Variants in NRG1 observed in about 807,000 individuals in gnomAD.
NRG1 encodes pro-neuregulin-1, membrane-bound isoform.
A neutral mutation model predicts 63.8 loss-of-function variants in NRG1; 18 were observed. That is an observed-to-expected ratio of 0.28 (90% CI 0.19 to 0.42). The LOEUF (loss-of-function observed/expected upper bound fraction) is 0.42, where lower values mean the gene tolerates loss of function less well. Ranked by LOEUF, NRG1 falls within the 10% of genes least tolerant of loss-of-function variation. The probability of loss-of-function intolerance (pLI) is 1.00; values close to 1 mark genes in which losing one functional copy is unlikely to be tolerated. For missense variants in NRG1, 762 were observed against 814.7 expected (o/e 0.94, Z 0.79); for synonymous variants, 302 against 301.3 (o/e 1.00, Z -0.02).
At chr8:32,690,894 C>T (rs1811424044) in intron 5 of NRG1, among the ~76,000 whole-genome samples, 1 of 149,720 alleles carries the variant, frequency 6.7e-6, no homozygotes, top group Non-Finnish European at 1.5e-5. Flanking sequence ...GGAATCTCTT[C>T]TATTAGTTAC....
chr8:32,077,104 C>T (rs984303557), intron 1 of NRG1, among the ~76,000 whole-genome samples: 3 of 152,262 alleles, frequency 2.0e-5, no homozygotes, highest in South Asian at 2.1e-4. Flanking sequence ...TGTTGGCTCA[C>T]GCCTGTAATC....
intron 1 of NRG1, among the ~76,000 whole-genome samples, chr8:31,832,976 C>G (rs73242160): frequency 6.6e-6 from 1 of 151,914 alleles, no homozygotes; most frequent in South Asian, 2.1e-4. Context: ...AGGACAGATG[C>G]AAAATTTGCA....
At chr8:32,483,733 G>A (rs1825574454) in intron 1 of NRG1, among the ~76,000 whole-genome samples, 1 of 152,122 alleles carries the variant, frequency 6.6e-6, no homozygotes, top group Admixed American at 6.5e-5. Flanking sequence ...GATGTGGGTG[G>A]GCAGGGACCC....
rs760667227 is a variant in NRG1 at position 32,721,962 on chromosome 8, A to G, written c.503-5987A>G. 8 of 1,544,268 alleles carry G rather than the reference A, an allele frequency of 5.2e-6. No homozygotes were observed. In the South Asian group the frequency reaches 9.7e-5, roughly 19 times the overall value. On this transcript the variant is annotated intron_variant, in intron 5 of 11. Coordinates refer to ENST00000356819, the Ensembl canonical transcript of NRG1. ...GAGCTATATTCAGAGCAAGAATAAT[A>G]ATTTCAGATTTTTTAACTGGACTTC...
intron 1 of NRG1, among the ~76,000 whole-genome samples, chr8:31,863,652 A>T (rs914670007): frequency 1.3e-4 from 20 of 152,206 alleles, no homozygotes; most frequent in African/African-American, 4.8e-4. Flanking sequence ...CTACTCAGAA[A>T]ATAAATTTTC....
At chr8:32,529,975 T>TTATTATGTACTG in intron 1 of NRG1, among the ~76,000 whole-genome samples, 1 of 152,326 alleles carries the variant, frequency 6.6e-6, no homozygotes. Context: ...CTGTGCATAA[T>TTATTATGTACTG]TGCACGGACT....
exon 1 of NRG1, chr8:32,548,760 A>G (rs777747873): frequency 1.9e-5 from 30 of 1,590,398 alleles, no homozygotes; most frequent in Non-Finnish European, 2.2e-5. Flanking sequence ...AGGCAAAGGG[A>G]AGGGCAAGAA....
intron 1 of NRG1, among the ~76,000 whole-genome samples, chr8:32,170,676 T>C (rs1839932176): frequency 6.6e-6 from 1 of 152,198 alleles, no homozygotes; most frequent in African/African-American, 2.4e-5. Context: ...CTATTTAAGG[T>C]GTTCAACTAA....
At chr8:32,029,317 A>G (rs1586593658) in intron 1 of NRG1, 1 of 152,332 alleles carries the variant, frequency 6.6e-6, no homozygotes, top group South Asian at 2.1e-4. Flanking sequence ...CTTATTATAA[A>G]AAGACAAAAT....
intron 1 of NRG1, among the ~76,000 whole-genome samples, chr8:31,825,297 A>G (rs1205247549): frequency 1.3e-5 from 2 of 152,052 alleles, no homozygotes; most frequent in Non-Finnish European, 2.9e-5. Flanking sequence ...CTGAGGCAGG[A>G]GAATGGCATG....
intron 1 of NRG1, among the ~76,000 whole-genome samples, chr8:32,584,175 G>A (rs1403267953): frequency 1.3e-5 from 2 of 152,172 alleles, no homozygotes; most frequent in African/African-American, 4.8e-5. Context: ...CAGCAGCCTT[G>A]TAGTTATAGT....
chr8:32,233,404 C>T lies in NRG1; in HGVS notation c.38-362424C>T, dbSNP rs1847166343. ...TATAGACGTGAGCTACCACACCCAG[C>T]CATGAGTGTACATTATAAATAAATA... On this transcript the variant is annotated intron_variant, in intron 1 of 10. Transcript: ENST00000519301. 1.3e-5 allele frequency among the ~76,000 whole-genome samples: 2 copies of T among 151,820 alleles called. 1 individual carries two copies. Among genetic ancestry groups the T allele is most frequent in the South Asian group, 4.2e-4 (2 of 4,796 alleles).
intron 1 of NRG1, among the ~76,000 whole-genome samples, chr8:32,533,495 T>C (rs1831661483): frequency 6.6e-6 from 1 of 152,080 alleles, no homozygotes; most frequent in African/African-American, 2.4e-5. Context: ...TTTCTTCCTT[T>C]AAATAATCAC....
chr8:32,044,928 A>AAAAAAAC (rs1820745855), intron 1 of NRG1, among the ~76,000 whole-genome samples: 1 of 148,674 alleles, frequency 6.7e-6, no homozygotes, highest in Admixed American at 6.7e-5. Context: ...AAAAAAAAAA[A>AAAAAAAC]AAACACACAC....
chr8:31,924,970 G>T (rs940592069), intron 1 of NRG1, among the ~76,000 whole-genome samples: 6 of 151,282 alleles, frequency 4.0e-5, no homozygotes, highest in African/African-American at 7.3e-5. Flanking sequence ...CATATGGATT[G>T]TATGATTTTG....
chr8:31,977,203 C>T (rs1808338478), intron 1 of NRG1, among the ~76,000 whole-genome samples: 1 of 152,128 alleles, frequency 6.6e-6, no homozygotes, highest in Admixed American at 6.5e-5. Flanking sequence ...TATAAATCAA[C>T]ATATACTTCT....
chr8:32,223,083 A>T (rs1309845888), intron 1 of NRG1, among the ~76,000 whole-genome samples: 3 of 152,252 alleles, frequency 2.0e-5, no homozygotes, highest in African/African-American at 7.2e-5. Flanking sequence ...ACAACAAAAT[A>T]GCATGTAGTT....
intron 5 of NRG1, among the ~76,000 whole-genome samples, chr8:32,662,302 A>T (rs936624677): frequency 5.9e-5 from 9 of 152,234 alleles, no homozygotes; most frequent in African/African-American, 2.2e-4. Flanking sequence ...CTCTGGGAAA[A>T]GGCCTTACTG....
At chr8:32,183,746 C>A (rs1205510758) in intron 1 of NRG1, among the ~76,000 whole-genome samples, 1 of 152,132 alleles carries the variant, frequency 6.6e-6, no homozygotes, top group Non-Finnish European at 1.5e-5. Context: ...AAGCTTATTA[C>A]CCATAAATCA....
Sources: allele counts gnomAD v4.1 joint callset (sites outside exome capture counted in the v4.1 genomes callset), GRCh38; gene constraint gnomAD v4.1.1; transcripts MANE v1.5; gene names NCBI Gene and HGNC (gene_info 2026-07-23, HGNC 2026-07-21).